The following HS3ST1 variants were observed in gnomAD, a reference collection of about 807,000 sequenced individuals.
HS3ST1 encodes heparan sulfate glucosamine 3-O-sulfotransferase 1.
In HS3ST1, 8 loss-of-function variants were observed where a neutral mutation model predicts 20.7. That is an observed-to-expected ratio of 0.39 (90% confidence interval 0.23 to 0.70). HS3ST1 has a LOEUF of 0.70. HS3ST1 is among the 30% of genes least tolerant of loss of function. HS3ST1 has a pLI of 0.46. For synonymous variants in HS3ST1, 205 were observed against 190.4 expected, an observed-to-expected ratio of 1.08 and a Z score of -0.63; for missense variants, 436 against 423.4, an observed-to-expected ratio of 1.03 and a Z score of -0.26.
intron 1 of HS3ST1, among the ~76,000 whole-genome samples, chr4:11,408,428 T>C (rs1056169405): frequency 2.6e-5 from 4 of 152,124 alleles, no homozygotes; most frequent in Non-Finnish European, 5.9e-5. Context: ...AGTACTGCAG[T>C]GACTCAACCA....
chr4:11,399,151 C>CA lies in HS3ST1; in HGVS notation c.854dup (p.His286AlafsTer6). 1 of 1,614,114 alleles carries CA rather than the reference C, an allele frequency of 6.2e-7. No individual in the cohort carries two copies. Among genetic ancestry groups the CA allele is most frequent in the Non-Finnish European group, 8.5e-7 (1 of 1,180,014 alleles). ...TATTTGGCTCATGAAAATATTCGTG[C>CA]AGTTTATTGAGTAGTTTGGGATCGA... On this transcript the variant is annotated frameshift_variant, in exon 2 of 2. Coordinates refer to ENST00000002596, the MANE Select transcript of HS3ST1 (RefSeq NM_005114.4). LOFTEE classifies it high-confidence loss of function. This position sits in a 1 kb window ranked among gnomAD's most constrained non-coding sequence, Gnocchi z 5.1.
chr4:11,401,044 A>G (rs151203177), intron 1 of HS3ST1, among the ~76,000 whole-genome samples: 27 of 152,330 alleles, frequency 1.8e-4, no homozygotes, highest in African/African-American at 6.0e-4. Context: ...GAAATTGGCA[A>G]AAGTTAATTG....
upstream of HS3ST1, among the ~76,000 whole-genome samples, chr4:11,431,262 G>A (rs1719200812): frequency 6.7e-6 from 1 of 150,258 alleles, no homozygotes; most frequent in South Asian, 2.1e-4. Flanking sequence ...TTTGTAAATG[G>A]AACTTCCCTC....
At position 11,419,773 on chromosome 4, in the gene HS3ST1, G is replaced by T. The variant is rs541033607; in HGVS notation, c.-109+8926C>A. 1.6e-4 allele frequency among the ~76,000 whole-genome samples: 25 copies of T among 152,326 alleles called. No homozygotes were observed. The East Asian group carries it at 4.8e-3, about 29-fold the overall frequency. ...AAATTAGTCTGTGGTCTTTGTGACA[G>T]GACGTTGAGTTTGCAATCCAGAGGC... On this transcript the variant is annotated intron_variant, in intron 1 of 1. Transcript: ENST00000002596.
chr4:11,429,286 T>A (rs187487833), upstream of HS3ST1: 1 of 152,566 alleles, frequency 6.6e-6, no homozygotes, highest in African/African-American at 2.4e-5. Flanking sequence ...GGACGTCCCG[T>A]CTACTCCCTT....
intron 1 of HS3ST1, among the ~76,000 whole-genome samples, chr4:11,415,169 C>G: frequency 6.6e-6 from 1 of 152,198 alleles, no homozygotes; most frequent in East Asian, 1.9e-4. Context: ...AAGTTCAACA[C>G]TTTGAACTAA....
At chr4:11,430,620 A>G (rs56971860), upstream of HS3ST1, among the ~76,000 whole-genome samples, 191 of 152,270 alleles carry the variant, frequency 1.3e-3, 1 homozygote, top group African/African-American at 4.2e-3. Context: ...TATGAATTTC[A>G]TTACCCATTG....
rs79731538 is a variant in HS3ST1 at position 11,399,358 on chromosome 4, G to A, written c.648C>T (p.Asp216=). 3,309 of 1,614,000 alleles carry A rather than the reference G, an allele frequency of 2.1e-3. 64 individuals are homozygous for A. The African/African-American group carries it at 0.038, about 19-fold the overall frequency. The change falls in exon 2 of 2, where the codon GAC becomes GAT. Residue 216 remains aspartate, a synonymous_variant. Transcript: ENST00000002596. The surrounding 1 kb of genome is among the most constrained non-coding windows in gnomAD (Gnocchi z 5.1). ...AGGGGTCCCTGATGAGGCGGTCGCC[G>A]TCCACAATGTGGATGTGGCGCAGCG... ...FFPLRHIHIV[D]GDRLIRDPFP...
At chr4:11,423,021 CAAAAAAAA>C (rs71181101) in intron 1 of HS3ST1, among the ~76,000 whole-genome samples, 17 of 34,386 alleles carry the variant, frequency 4.9e-4, no homozygotes, top group Non-Finnish European at 7.3e-4. Context: ...GAGACACCGT[CAAAAAAAA>C]AAAAAAAAAA....
At chr4:11,427,666 A>G (rs1719095292) in intron 1 of HS3ST1, among the ~76,000 whole-genome samples, 1 of 152,220 alleles carries the variant, frequency 6.6e-6, no homozygotes, top group Non-Finnish European at 1.5e-5. Flanking sequence ...CCCTTGGCCC[A>G]AGAGAGCGCC....
chr4:11,405,253 T>C (rs1011378704), intron 1 of HS3ST1, among the ~76,000 whole-genome samples: 7 of 152,194 alleles, frequency 4.6e-5, no homozygotes, highest in African/African-American at 1.7e-4. Context: ...GAGGCTGTTT[T>C]CTGGGTGTTA....
chr4:11,408,944 G>A (rs1260901776), intron 1 of HS3ST1, among the ~76,000 whole-genome samples: 2 of 152,250 alleles, frequency 1.3e-5, no homozygotes, highest in African/African-American at 2.4e-5. Flanking sequence ...CCTGCAGATG[G>A]TGAGTACCCA....
intron 1 of HS3ST1, among the ~76,000 whole-genome samples, chr4:11,404,530 T>A (rs1440840155): frequency 2.0e-5 from 3 of 152,020 alleles, no homozygotes; most frequent in Non-Finnish European, 4.4e-5. Flanking sequence ...ATCTGAGAGG[T>A]CTTTAAGTGT....
chr4:11,425,926 G>A (rs1443194840), intron 1 of HS3ST1, among the ~76,000 whole-genome samples: 1 of 141,810 alleles, frequency 7.1e-6, no homozygotes, highest in Non-Finnish European at 1.5e-5. Context: ...AGGTCAAGTA[G>A]CCAGGTTGAG....
rs1718207531 is a variant in HS3ST1 at position 11,398,496 on chromosome 4, C to G, written c.*586G>C. The stretch of plus-strand genomic sequence containing the variant: ...AACTGCTTCTCCATCCTGAATATTG[C>G]TTTGTTTACTTGAAGTTTACACATG... On this transcript the variant is annotated 3_prime_UTR_variant, in exon 2 of 2. Transcript: ENST00000002596. 2 of 152,246 alleles carry G rather than the reference C, an allele frequency of 1.3e-5. No homozygotes were observed. Among genetic ancestry groups the G allele is most frequent in the South Asian group, 4.1e-4 (2 of 4,834 alleles). The allele number at this position is 152,246 out of a possible 1,614,324, so 9.4% of individuals were successfully genotyped here.
intron 1 of HS3ST1, among the ~76,000 whole-genome samples, chr4:11,424,146 C>T (rs138904930): frequency 0.013 from 1,959 of 152,080 alleles, 11 homozygotes; most frequent in Non-Finnish European, 0.019. Context: ...TACCCAGGCA[C>T]AGGGCCCAAG....
intron 1 of HS3ST1, among the ~76,000 whole-genome samples, chr4:11,421,093 T>C (rs1269387426): frequency 2.0e-5 from 3 of 151,614 alleles, no homozygotes; most frequent in African/African-American, 7.3e-5. Flanking sequence ...CGTATTTGTA[T>C]TTGCTAAATC....
intron 1 of HS3ST1, among the ~76,000 whole-genome samples, chr4:11,400,333 C>G (rs1021080742): frequency 2.0e-5 from 3 of 152,066 alleles, no homozygotes; most frequent in African/African-American, 7.2e-5. Context: ...CAACTCCAAC[C>G]GTGCTATTAT....
Position 11,422,669 on chromosome 4 carries a change from T to A in HS3ST1, c.-109+6030A>T, listed in dbSNP as rs923690289. On this transcript the variant is annotated intron_variant, in intron 1 of 1. Coordinates refer to ENST00000002596, the MANE Select transcript of HS3ST1 (RefSeq NM_005114.4). Reference sequence around the variant, plus strand: ...AATCAATAGCAAAGGTAGGGGCAGATTTGGGAGAAGGTGTACCAGAGTCTC... The same window carrying A: ...AATCAATAGCAAAGGTAGGGGCAGAATTGGGAGAAGGTGTACCAGAGTCTC... Among the ~76,000 whole-genome samples, 7 of 152,118 alleles carry A rather than the reference T, an allele frequency of 4.6e-5. No homozygotes were observed. In the East Asian group the frequency reaches 1.3e-3, roughly 29 times the overall value.
Sources: gnomAD v4.1 joint callset for allele counts (sites outside exome capture counted in the v4.1 genomes callset) on GRCh38, gnomAD v4.1.1 for gene constraint, Gnocchi (gnomAD v3.1) non-coding constraint, MANE v1.5 for transcripts, NCBI Gene and HGNC (gene_info 2026-07-23, HGNC 2026-07-21) for gene names.